The following NAV2 variants were observed in gnomAD, a reference collection of about 807,000 sequenced individuals.
NAV2 encodes the protein helicase, APC down-regulated 1.
Under a neutral mutation model 223.2 loss-of-function variants are expected in NAV2, and 54 were observed. The ratio of observed to expected loss-of-function variants is 0.24; its 90% CI spans 0.19 to 0.30. The LOEUF (loss-of-function observed/expected upper bound fraction) is 0.30. Ranked by LOEUF, NAV2 falls within the 10% of genes least tolerant of loss-of-function variation. The pLI is 1.00. For missense variants in NAV2, 2,806 were observed against 3,147.5 expected (o/e 0.89, Z 2.60); for synonymous variants, 1,279 against 1,239.3 (o/e 1.03, Z -0.67).
intron 22 of NAV2, among the ~76,000 whole-genome samples, chr11:20,075,204 T>G (rs2059648066): frequency 1.4e-5 from 2 of 139,992 alleles, no homozygotes; most frequent in Non-Finnish European, 3.0e-5. Flanking sequence ...GTCTCCATGT[T>G]TTTTGTTTTT....
chr11:19,844,565 A>C (rs575820200), intron 3 of NAV2, among the ~76,000 whole-genome samples: 3 of 152,296 alleles, frequency 2.0e-5, no homozygotes, highest in African/African-American at 7.2e-5. Context: ...TTCACTGAGC[A>C]CTTCCCTTGA....
chr11:19,478,488 A>AAT (rs1383574113), intron 1 of NAV2, among the ~76,000 whole-genome samples: 2 of 152,224 alleles, frequency 1.3e-5, no homozygotes, highest in African/African-American at 4.8e-5. Flanking sequence ...TTGCAGACTA[A>AAT]AGCAGAAGGA....
chr11:19,900,145 A>G (rs2042325037), intron 6 of NAV2, among the ~76,000 whole-genome samples: 1 of 152,174 alleles, frequency 6.6e-6, no homozygotes, highest in African/African-American at 2.4e-5. Flanking sequence ...GCATCATTGA[A>G]TTTAAAGAAT....
intron 1 of NAV2, among the ~76,000 whole-genome samples, chr11:19,706,889 A>T (rs911783762): frequency 6.6e-6 from 1 of 152,214 alleles, no homozygotes; most frequent in Non-Finnish European, 1.5e-5. Context: ...GGCCTACTAC[A>T]CACTTAGGCT....
intron 1 of NAV2, among the ~76,000 whole-genome samples, chr11:19,751,789 T>C (rs2053843922): frequency 6.6e-6 from 1 of 152,228 alleles, no homozygotes. Context: ...GAGCTGTCCC[T>C]GTTCACTGTT....
At chr11:19,785,021 G>A (rs183968964) in intron 1 of NAV2, among the ~76,000 whole-genome samples, 149 of 152,330 alleles carry the variant, frequency 9.8e-4, no homozygotes, top group African/African-American at 3.4e-3. Flanking sequence ...TGGGAGATGA[G>A]CTGAATGATC....
intron 26 of NAV2, among the ~76,000 whole-genome samples, chr11:20,085,025 C>T (rs1024705140): frequency 4.0e-5 from 6 of 150,654 alleles, no homozygotes; most frequent in Non-Finnish European, 8.9e-5. Context: ...TCTGTCTCTA[C>T]AAAAAAAAAT....
At chr11:19,762,855 G>A (rs572258087) in intron 1 of NAV2, among the ~76,000 whole-genome samples, 2 of 151,862 alleles carry the variant, frequency 1.3e-5, no homozygotes, top group Admixed American at 6.6e-5. Context: ...CTTGTGATCC[G>A]CCCGCCTCAG....
chr11:19,665,238 A>G (rs765115693), intron 1 of NAV2, among the ~76,000 whole-genome samples: 3 of 152,064 alleles, frequency 2.0e-5, no homozygotes, highest in Non-Finnish European at 2.9e-5. Context: ...AGCAGCTTCA[A>G]CTCTGTGGTT....
At chr11:19,411,984 T>C (rs148034156) in intron 1 of NAV2, among the ~76,000 whole-genome samples, 34 of 152,168 alleles carry the variant, frequency 2.2e-4, no homozygotes, top group African/African-American at 7.7e-4. Context: ...TGCTATAGAG[T>C]AGAGCTTGGA....
chr11:19,652,365 C>G (rs769989459), intron 1 of NAV2, among the ~76,000 whole-genome samples: 2 of 152,154 alleles, frequency 1.3e-5, no homozygotes, highest in Non-Finnish European at 2.9e-5. Flanking sequence ...CCCAGCCCCT[C>G]TGCAGAGGTG....
chr11:19,910,624 C>T (rs546419410), intron 6 of NAV2, among the ~76,000 whole-genome samples: 4 of 152,192 alleles, frequency 2.6e-5, no homozygotes, highest in African/African-American at 9.6e-5. Flanking sequence ...TTTGGGAGGC[C>T]GAGGCAGGCT....
At chr11:19,651,989 T>C (rs573815630) in intron 1 of NAV2, among the ~76,000 whole-genome samples, 4 of 152,324 alleles carry the variant, frequency 2.6e-5, no homozygotes, top group African/African-American at 9.6e-5. Flanking sequence ...TTTGAGGACG[T>C]TGAGTGACAG....
At chr11:19,959,642 G>A (rs752877389) in intron 10 of NAV2, among the ~76,000 whole-genome samples, 5 of 152,148 alleles carry the variant, frequency 3.3e-5, no homozygotes, top group Non-Finnish European at 4.4e-5. Context: ...ACCAAATTCA[G>A]CGCATCGTGC....
Position 19,933,795 on chromosome 11 carries a change from G to A in NAV2, c.1551G>A (p.Lys517=), listed in dbSNP as rs2045602273. The A allele has an allele frequency of 6.2e-7, 1 of 1,614,004 alleles. No individual in the cohort carries two copies. The highest frequency in any genetic ancestry group is 1.7e-5 in the Admixed American group (1 of 59,982). Residue 517 remains lysine, a synonymous_variant, in exon 7 of 38, where the codon AAG becomes AAA. Transcript: ENST00000349880. This position sits in a 1 kb window ranked among gnomAD's most constrained non-coding sequence, Gnocchi z 4.3. The stretch of plus-strand genomic sequence containing the variant: ...CTGTGACGGAGAGGCTGGACCTCAA[G>A]GAGGAGCCAAAAGAAGACCCCAGTG... ...RASVTERLDL[K]EEPKEDPSGA...
chr11:19,389,889 G>A (rs1489791044), intron 1 of NAV2, among the ~76,000 whole-genome samples: 3 of 152,194 alleles, frequency 2.0e-5, no homozygotes, highest in African/African-American at 7.2e-5. Context: ...CTTCTCAGCT[G>A]TCAGCTGGTC....
At chr11:19,453,124 A>G (rs1851846044) in intron 1 of NAV2, among the ~76,000 whole-genome samples, 1 of 152,206 alleles carries the variant, frequency 6.6e-6, no homozygotes, top group African/African-American at 2.4e-5. Flanking sequence ...GGATTGCTAC[A>G]TGACATTGCT....
chr11:19,535,512 C>A (rs1425392353), intron 1 of NAV2, among the ~76,000 whole-genome samples: 2 of 152,126 alleles, frequency 1.3e-5, no homozygotes, highest in Admixed American at 1.3e-4. Flanking sequence ...GCCATTTGTA[C>A]CGGGTGATAT....
intron 1 of NAV2, among the ~76,000 whole-genome samples, chr11:19,477,759 C>A (rs2042162366): frequency 6.6e-6 from 1 of 152,118 alleles, no homozygotes; most frequent in Non-Finnish European, 1.5e-5. Context: ...TCCTTGAGCT[C>A]AGTGAGGCTA....
Sources: gnomAD v4.1 joint callset for allele counts (sites outside exome capture counted in the v4.1 genomes callset) on GRCh38, gnomAD v4.1.1 for gene constraint, Gnocchi (gnomAD v3.1) non-coding constraint, MANE v1.5 for transcripts, NCBI Gene and HGNC (gene_info 2026-07-23, HGNC 2026-07-21) for gene names.